HSPG2: variants seen among roughly 807,000 people sequenced by gnomAD.
The protein encoded by HSPG2 is heparan sulfate proteoglycan 2.
In HSPG2, 278 loss-of-function variants were observed where a neutral mutation model predicts 526.6. That is an observed-to-expected ratio of 0.53 (90% CI 0.48 to 0.58). The LOEUF is 0.58. Among genes scored for constraint, HSPG2 ranks in the 20% least tolerant of loss-of-function variants. The probability of loss-of-function intolerance (pLI) is 0.00; values close to 1 mark genes in which losing one functional copy is unlikely to be tolerated. For missense variants in HSPG2, 5,354 were observed against 6,099.5 expected (o/e 0.88, Z 4.07); for synonymous variants, 2,465 against 2,555.4 (o/e 0.96, Z 1.07).
chr1:21,930,913 C>A (rs941237553), intron 1 of HSPG2, among the ~76,000 whole-genome samples: 1 of 152,220 alleles, frequency 6.6e-6, no homozygotes, highest in African/African-American at 2.4e-5. Context: ...CAAGGCTTTG[C>A]GCACCAGATA....
chr1:21,833,655 C>T lies in HSPG2; in HGVS notation c.10831-41G>A, dbSNP rs7547731. 738,481 of 1,612,346 alleles carry T rather than the reference C, an allele frequency of 0.46. 175,315 individuals carry two copies. The highest frequency in any genetic ancestry group is 0.65 in the East Asian group (29,184 of 44,864). The stretch of plus-strand genomic sequence containing the variant: ...CACTGAGGGCCCTGGCCTTGGCCCA[C>T]GGCTCCAGGGGCCCACCTCCCATCT... On this transcript the variant is annotated intron_variant, in intron 78 of 96. Coordinates refer to ENST00000374695, the MANE Select transcript of HSPG2 (RefSeq NM_005529.7).
Position 21,872,082 on chromosome 1 carries a change from A to G in HSPG2, c.4221+104T>C. The G allele has an allele frequency of 3.1e-6, 4 of 1,283,874 alleles. No homozygotes were observed. The South Asian group carries it at 5.1e-5, about 16-fold the overall frequency. The allele number at this position is 1,283,874 out of a possible 1,614,324, so 79.5% of individuals were successfully genotyped here. A position where few individuals can be genotyped will look rare whatever the true frequency, so the allele number is the denominator to read the frequency against. On this transcript the variant is annotated intron_variant, in intron 33 of 96. Coordinates refer to ENST00000374695, the MANE Select transcript of HSPG2 (RefSeq NM_005529.7). This position sits in a 1 kb window ranked among gnomAD's most constrained non-coding sequence, Gnocchi z 5.5. ...GACTGCAAAAGCCACGTGCCTAACCACGATATGGCCATGCAGGTGGCAGGT... is the reference window on the plus strand; with the variant it reads ...GACTGCAAAAGCCACGTGCCTAACCGCGATATGGCCATGCAGGTGGCAGGT...
Position 21,887,433 on chromosome 1 carries a change from A to T in HSPG2, c.945T>A (p.Asp315Glu), listed in dbSNP as rs886043696. The change falls in exon 8 of 97, where the codon GAT (aspartate) becomes GAA (glutamate). Residue 315 changes from aspartate to glutamate, a missense_variant. Physicochemically the swap from Asp to Glu is conservative, Grantham distance 45 (BLOSUM62 2). Transcript: ENST00000374695. The surrounding 1 kb of genome is among the most constrained non-coding windows in gnomAD (Gnocchi z 5.0). ...DGQEDCEDGS[D>E]ELDCGPPPPC... Reference sequence around the variant, plus strand: ...GCCGGTGCGCACCACAGTCTAGCTCATCGCTGCCGTCCTCGCAGTCCTCCT... The same window carrying T: ...GCCGGTGCGCACCACAGTCTAGCTCTTCGCTGCCGTCCTCGCAGTCCTCCT... 2 of 1,613,986 alleles carry T rather than the reference A, an allele frequency of 1.2e-6. No homozygotes were observed. Among genetic ancestry groups the T allele is most frequent in the Non-Finnish European group, 1.7e-6 (2 of 1,179,970 alleles).
At chr1:21,937,046 C>T (rs1644507063) in intron 1 of HSPG2, 109 bp downstream of exon 1, 1 of 329,620 alleles carries the variant, frequency 3.0e-6, no homozygotes, top group Non-Finnish European at 4.4e-6. Context: ...AGAGTCCCCG[C>T]CGCGCAGCCT....
At position 21,848,622 on chromosome 1, in the gene HSPG2, C is replaced by T. The variant is rs1557709772; in HGVS notation, c.7737+21G>A. 5.6e-6 allele frequency: 9 copies of T among 1,612,514 alleles called. No homozygotes were observed. Among genetic ancestry groups the T allele is most frequent in the South Asian group, 2.2e-5 (2 of 91,028 alleles). ...GGCTGGTGTGCCCTGCTTTTGCCCT[C>T]CCCACCTGCTGGCCCTGTACCTGGT... On this transcript the variant is annotated intron_variant, in intron 59 of 96. Transcript: ENST00000374695. The surrounding 1 kb of genome is among the most constrained non-coding windows in gnomAD (Gnocchi z 4.9).
Position 21,876,327 on chromosome 1 carries a change from A to T in HSPG2, c.2905T>A (p.Phe969Ile), listed in dbSNP as rs996673019. The T allele has an allele frequency of 6.2e-7, 1 of 1,614,012 alleles. No individual in the cohort carries two copies. The highest frequency in any genetic ancestry group is 1.6e-4 in the Middle Eastern group (1 of 6,062). ...ASTHTTNEGIFSPTPGELGFS... is the reference protein window; with the variant it reads ...ASTHTTNEGIISPTPGELGFS... ...CCCAGTTCCCCGGGCGTGGGGGAGA[A>T]GATGCCCTCGTTGGTGGTGTGGGTG... Residue 969 changes from phenylalanine to isoleucine, a missense_variant, in exon 23 of 97, where the codon TTC (phenylalanine) becomes ATC (isoleucine). Physicochemically the swap from Phe to Ile is conservative, Grantham distance 21. Transcript: ENST00000374695.
At chr1:21,907,139 G>C (rs912939512) in intron 1 of HSPG2, among the ~76,000 whole-genome samples, 1 of 152,176 alleles carries the variant, frequency 6.6e-6, no homozygotes, top group Non-Finnish European at 1.5e-5. Context: ...GGAGGTGAAA[G>C]AGAAGGTGGC....
At chr1:21,934,838 G>A (rs768512700) in intron 1 of HSPG2, among the ~76,000 whole-genome samples, 42 of 152,044 alleles carry the variant, frequency 2.8e-4, no homozygotes, top group Non-Finnish European at 5.6e-4. Context: ...CTCATGATCC[G>A]CTCGCCTCGG....
Position 21,860,167 on chromosome 1 carries a change from T to A in HSPG2, c.5014+10A>T, listed in dbSNP as rs1639679988. On this transcript the variant is annotated intron_variant, in intron 40 of 96. Transcript: ENST00000374695. ...CCATCGTCCCCATCCTGGGCCATGGTCCCACTTACTCTCTGGCAGGCACTG... is the reference window on the plus strand; with the variant it reads ...CCATCGTCCCCATCCTGGGCCATGGACCCACTTACTCTCTGGCAGGCACTG... The A allele has an allele frequency of 1.9e-6, 3 of 1,613,642 alleles. No individual in the cohort carries two copies. The highest frequency in any genetic ancestry group is 2.5e-6 in the Non-Finnish European group (3 of 1,179,764).
At chr1:21,868,125 G>A (rs1207741570) in intron 33 of HSPG2, among the ~76,000 whole-genome samples, 2 of 151,540 alleles carry the variant, frequency 1.3e-5, no homozygotes, top group African/African-American at 4.9e-5. Context: ...TGCAACCTCC[G>A]CCTCCCAGGT....
intron 1 of HSPG2, among the ~76,000 whole-genome samples, chr1:21,917,464 AATAAATAAATAAATAAAT>A: frequency 6.7e-6 from 1 of 149,188 alleles, no homozygotes; most frequent in African/African-American, 2.5e-5. Context: ...TAAATAAATA[AATAAATAAATAAATAAAT>A]AAAAATAAAA....
chr1:21,824,985 T>G lies in HSPG2; in HGVS notation c.12590-206A>C. The stretch of plus-strand genomic sequence containing the variant: ...AGCATTACACCTCAATTTCACTCAC[T>G]TCTCACTGAAATTGAGCAGTTCTTT... On this transcript the variant is annotated intron_variant, in intron 91 of 96. Transcript: ENST00000374695. This position sits in a 1 kb window ranked among gnomAD's most constrained non-coding sequence, Gnocchi z 5.9. The G allele has an allele frequency of 1.6e-6, 1 of 608,244 alleles. No homozygotes were observed. Among genetic ancestry groups the G allele is most frequent in the Non-Finnish European group, 3.0e-6 (1 of 335,218 alleles). 37.7% of individuals were successfully genotyped at this position (608,244 alleles called of 1,614,324 possible). A position where few individuals can be genotyped will look rare whatever the true frequency, so the allele number is the denominator to read the frequency against.
rs1641408872 is a variant in HSPG2 at position 21,880,478 on chromosome 1, T to C, written c.2080A>G (p.Ile694Val). The C allele has an allele frequency of 1.9e-6, 3 of 1,613,818 alleles. No individual in the cohort carries two copies. In the East Asian group the frequency reaches 6.7e-5, roughly 36 times the overall value. ...ATCTTGGTGTTGTACACGGTCTGGA[T>C]GAGCACGGCCTCCAGGCTCTGCAGC... ...QVLQSLEAVL[I>V]QTVYNTKMAS... The change falls in exon 16 of 97, where the codon ATC (isoleucine) becomes GTC (valine). Residue 694 changes from isoleucine (I) to valine (V), a missense_variant. Physicochemically the swap from Ile to Val is conservative, Grantham distance 29. Coordinates refer to ENST00000374695, the MANE Select transcript of HSPG2 (RefSeq NM_005529.7).
intron 1 of HSPG2, among the ~76,000 whole-genome samples, chr1:21,926,630 G>C (rs1456292909): frequency 6.6e-6 from 1 of 151,860 alleles, no homozygotes; most frequent in African/African-American, 2.4e-5. Context: ...GTGCATGCCT[G>C]TAATCCATAA....
rs756603359 is a variant in HSPG2, at chr1:21,880,119, A to G, written c.2331T>C (p.Tyr777=). The change falls in exon 17 of 97, where the codon TAT becomes TAC. Residue 777 remains tyrosine (Y), a synonymous_variant. Coordinates refer to ENST00000374695, the MANE Select transcript of HSPG2 (RefSeq NM_005529.7). ...NGHASSCDPV[Y]GHCLNCQHNT... is the part of the protein sequence containing the mutation. ...TGGCACTACTCACCAGGCAGTGGCC[A>G]TACACAGGGTCACAGGAGCTGGCAT... 1 of 1,614,126 alleles carries G rather than the reference A, an allele frequency of 6.2e-7. No homozygotes were observed. The highest frequency in any genetic ancestry group is 2.2e-5 in the East Asian group (1 of 44,886).
chr1:21,860,651 C>G (rs1262716003), intron 39 of HSPG2, among the ~76,000 whole-genome samples: 1 of 152,048 alleles, frequency 6.6e-6, no homozygotes, highest in Non-Finnish European at 1.5e-5. Flanking sequence ...GCCACCACAC[C>G]CAGCTAATTT....
chr1:21,846,268 C>T lies in HSPG2; in HGVS notation c.8317-13G>A, dbSNP rs539565394. ...GTGAGCCGCGGGTCTGAATAGGGGA[C>T]AGGACAGAGGAACAGAGTCAGGTGC... On this transcript the variant is annotated splice_polypyrimidine_tract_variant and intron_variant, in intron 63 of 96. Transcript: ENST00000374695. The T allele has an allele frequency of 6.2e-7, 1 of 1,612,978 alleles. No individual in the cohort carries two copies. The highest frequency in any genetic ancestry group is 1.1e-5 in the South Asian group (1 of 91,070).
intron 10 of HSPG2, 60 bp downstream of exon 10, chr1:21,885,260 T>C (rs373418258): frequency 5.6e-6 from 9 of 1,612,138 alleles, no homozygotes; most frequent in Non-Finnish European, 7.6e-6. Context: ...GCTGAGGCTG[T>C]GGACAGAACC....
At chr1:21,925,358 T>C (rs1012569203) in intron 1 of HSPG2, among the ~76,000 whole-genome samples, 1 of 152,198 alleles carries the variant, frequency 6.6e-6, no homozygotes, top group Non-Finnish European at 1.5e-5. Context: ...GTAGATTTCA[T>C]CTCGCAGCTG....
Sources: gnomAD v4.1 joint callset for allele counts (sites outside exome capture counted in the v4.1 genomes callset) on GRCh38, gnomAD v4.1.1 for gene constraint, Gnocchi (gnomAD v3.1) non-coding constraint, MANE v1.5 for transcripts, NCBI Gene and HGNC (gene_info 2026-07-23, HGNC 2026-07-21) for gene names.